KATNAL1: variants seen among roughly 807,000 people sequenced by gnomAD.
KATNAL1 encodes the protein katanin p60 ATPase-containing subunit A-like 1.
In KATNAL1, 32 loss-of-function variants were observed where a neutral mutation model predicts 55.2. That is an observed-to-expected ratio of 0.58 (90% CI 0.44 to 0.78). The LOEUF is 0.78. KATNAL1 is among the 30% of genes least tolerant of loss of function. KATNAL1 has a pLI of 0.00. For missense variants in KATNAL1, 466 were observed against 600.9 expected (o/e 0.78, Z 2.35); for synonymous variants, 193 against 193.6 (o/e 1.00, Z 0.02).
intron 9 of KATNAL1, among the ~76,000 whole-genome samples, chr13:30,217,355 G>T (rs1187553794): frequency 6.6e-6 from 1 of 152,174 alleles, no homozygotes; most frequent in African/African-American, 2.4e-5. Flanking sequence ...TCGGGAGGGG[G>T]AGGCAGGAGA....
Position 30,280,105 on chromosome 13 carries a change from C to G in KATNAL1, c.281G>C (p.Arg94Thr). ...FPVSCQDEPF[R>T]DPAVWPPPVP... Reference sequence around the variant, plus strand: ...AGGGGGTGGCCAAACAGCAGGATCTCTAAATGGTTCATCTTGACAGGACAC... The same window carrying G: ...AGGGGGTGGCCAAACAGCAGGATCTGTAAATGGTTCATCTTGACAGGACAC... The change falls in exon 3 of 11, where the codon AGA (arginine) becomes ACA (threonine). Residue 94 changes from arginine to threonine, a missense_variant. Arg to Thr is a moderately conservative substitution (Grantham distance 71, BLOSUM62 -1). Around this residue, in one of 3 missense-constraint regions of KATNAL1, gnomAD observed 248 missense variants for 275.5 expected, o/e 0.90. Coordinates refer to ENST00000380615, the MANE Select transcript of KATNAL1 (RefSeq NM_032116.5). The G allele has an allele frequency of 1.2e-6, 2 of 1,613,232 alleles. No homozygotes were observed. The highest frequency in any genetic ancestry group is 1.7e-6 in the Non-Finnish European group (2 of 1,179,688).
In KATNAL1 at chr13:30,206,169, T is replaced by A. The variant is rs1335282094; in HGVS notation, c.*2371A>T. The A allele has an allele frequency of 6.6e-6, 1 of 151,986 alleles. No homozygotes were observed. Among genetic ancestry groups the A allele is most frequent in the East Asian group, 1.9e-4 (1 of 5,200 alleles). The allele number at this position is 151,986 out of a possible 1,614,324, so 9.4% of individuals were successfully genotyped here. A position where few individuals can be genotyped will look rare whatever the true frequency, so the allele number is the denominator to read the frequency against. On this transcript the variant is annotated 3_prime_UTR_variant, in exon 11 of 11. Transcript: ENST00000380615. The stretch of plus-strand genomic sequence containing the variant: ...GTGTGGCGGCAACTGTAATCCCAGC[T>A]ACTCAGGAGGCCGAGGCAGGAGAAT...
At position 30,296,343 on chromosome 13, in the gene KATNAL1, G is replaced by A. The variant is rs567614192; in HGVS notation, c.-15+10988C>T. On this transcript the variant is annotated intron_variant, in intron 1 of 10. Coordinates refer to ENST00000380615, the MANE Select transcript of KATNAL1 (RefSeq NM_032116.5). ...GTCAGCAGCCATGCCGAGGACTTCC[G>A]CAAGCTGGGCTGCGAAGTGCTGGGC... The A allele has an allele frequency of 4.4e-5, 51 of 1,147,368 alleles. No homozygotes were observed. In the African/African-American group the frequency reaches 6.1e-4, roughly 14 times the overall value. 71.1% of individuals were successfully genotyped at this position (1,147,368 alleles called of 1,614,324 possible).
In KATNAL1 at chr13:30,263,956, C is replaced by A. The variant is rs1374964693; in HGVS notation, c.324-8341G>T. Among the ~76,000 whole-genome samples the A allele has an allele frequency of 3.0e-3, 451 of 150,104 alleles. 1 individual carries two copies. The highest frequency in any genetic ancestry group is 0.01 in the African/African-American group (423 of 40,770). The stretch of plus-strand genomic sequence containing the variant: ...CAAAAGAACAAAGCTGGAGGCATCA[C>A]ACTACCTGACTTCAAACTATACTAC... On this transcript the variant is annotated intron_variant, in intron 3 of 10. Transcript: ENST00000380615.
At chr13:30,305,141 C>T (rs923933358) in intron 1 of KATNAL1, among the ~76,000 whole-genome samples, 1 of 152,176 alleles carries the variant, frequency 6.6e-6, no homozygotes, top group Non-Finnish European at 1.5e-5. Context: ...ACAAATCTGA[C>T]GCCACCACCA....
intron 3 of KATNAL1, among the ~76,000 whole-genome samples, chr13:30,263,157 C>T (rs1290949503): frequency 6.6e-6 from 1 of 152,032 alleles, no homozygotes; most frequent in Admixed American, 6.6e-5. Flanking sequence ...AGGCCTTTGA[C>T]AAAATTCAAC....
intron 2 of KATNAL1, 46 bp downstream of exon 2, chr13:30,283,570 A>G: frequency 6.3e-7 from 1 of 1,575,120 alleles, no homozygotes; most frequent in Non-Finnish European, 8.7e-7. Context: ...CAAGTATAAT[A>G]GGGTACTGCC....
At chr13:30,265,274 G>C (rs1879659008) in intron 3 of KATNAL1, among the ~76,000 whole-genome samples, 1 of 151,950 alleles carries the variant, frequency 6.6e-6, no homozygotes, top group African/African-American at 2.4e-5. Context: ...CCTAACGCTA[G>C]ATGACGAGTT....
chr13:30,240,757 T>G (rs1299958944), intron 5 of KATNAL1, among the ~76,000 whole-genome samples, 192 bp from the exon 6 acceptor site: 1 of 152,234 alleles, frequency 6.6e-6, no homozygotes, highest in Non-Finnish European at 1.5e-5. Flanking sequence ...ATTAACAACT[T>G]GTCAGTTACA....
chr13:30,222,784 TA>T (rs1306660862), intron 9 of KATNAL1, among the ~76,000 whole-genome samples: 2 of 152,168 alleles, frequency 1.3e-5, no homozygotes, highest in African/African-American at 4.8e-5. Context: ...TTAAATGGAC[TA>T]AATACTCCTA....
At chr13:30,296,302 C>T in intron 1 of KATNAL1, 1 of 1,207,004 alleles carries the variant, frequency 8.3e-7, no homozygotes, top group South Asian at 1.4e-5. Context: ...TTGTGTGCCC[C>T]ACGGAGATCA....
intron 9 of KATNAL1, among the ~76,000 whole-genome samples, chr13:30,224,535 TAA>T (rs796588319): frequency 6.6e-5 from 9 of 137,340 alleles, no homozygotes; most frequent in Admixed American, 1.5e-4. Context: ...CTCTGTCTCT[TAA>T]AAAAAAAAAA....
At chr13:30,240,138 T>C (rs1344351758) in intron 6 of KATNAL1, among the ~76,000 whole-genome samples, 1 of 152,196 alleles carries the variant, frequency 6.6e-6, no homozygotes, top group African/African-American at 2.4e-5. Flanking sequence ...TATAAGACCA[T>C]ATATTATTTC....
Position 30,204,686 on chromosome 13 carries a change from T to A in KATNAL1, c.*3854A>T, listed in dbSNP as rs1446346306. 6.6e-6 allele frequency: 1 copy of A among 152,230 alleles called. No individual in the cohort carries two copies. Among genetic ancestry groups the A allele is most frequent in the Non-Finnish European group, 1.5e-5 (1 of 68,042 alleles). The allele number at this position is 152,230 out of a possible 1,614,324, so 9.4% of individuals were successfully genotyped here. A position where few individuals can be genotyped will look rare whatever the true frequency, so the allele number is the denominator to read the frequency against. On this transcript the variant is annotated 3_prime_UTR_variant, in exon 11 of 11. Coordinates refer to ENST00000380615, the MANE Select transcript of KATNAL1 (RefSeq NM_032116.5). ...TTCCCCTGATGTATGTGTATGACTG[T>A]CCATAGATTCACCAGGTATTGGTTT... is the stretch of plus-strand genomic sequence containing the variant.
chr13:30,228,407 A>C (rs1053739697), intron 8 of KATNAL1, among the ~76,000 whole-genome samples: 1 of 152,114 alleles, frequency 6.6e-6, no homozygotes, highest in African/African-American at 2.4e-5. Context: ...GAAACATATA[A>C]TATTTTCTTA....
At chr13:30,216,652 A>C (rs1301395027) in intron 9 of KATNAL1, among the ~76,000 whole-genome samples, 1 of 152,188 alleles carries the variant, frequency 6.6e-6, no homozygotes, top group Non-Finnish European at 1.5e-5. Flanking sequence ...GTTTAGAGCC[A>C]AAGAAGTCCT....
At chr13:30,254,102 T>C (rs1458359902) in intron 4 of KATNAL1, among the ~76,000 whole-genome samples, 1 of 152,192 alleles carries the variant, frequency 6.6e-6, no homozygotes, top group Non-Finnish European at 1.5e-5. Context: ...GAAAGTTCCT[T>C]ACCCTGTTCT....
At chr13:30,300,048 A>G (rs1184277955) in intron 1 of KATNAL1, among the ~76,000 whole-genome samples, 1 of 152,188 alleles carries the variant, frequency 6.6e-6, no homozygotes, top group Non-Finnish European at 1.5e-5. Flanking sequence ...ACTAAGACAT[A>G]TAATTGAAAA....
At chr13:30,283,588 C>T (rs769601512) in intron 2 of KATNAL1, 28 bp downstream of exon 2, 13 of 1,605,160 alleles carry the variant, frequency 8.1e-6, no homozygotes, top group Non-Finnish European at 1.1e-5. Flanking sequence ...GCCATCCTAA[C>T]TCATCTAATA....
Sources: allele counts gnomAD v4.1 joint callset (sites outside exome capture counted in the v4.1 genomes callset), GRCh38; gene constraint gnomAD v4.1.1; regional missense constraint gnomAD v4.1.1; transcripts MANE v1.5; gene names NCBI Gene and HGNC (gene_info 2026-07-23, HGNC 2026-07-21).